RAPH1: variants seen among roughly 807,000 people sequenced by gnomAD.
RAPH1 encodes the protein Ras association (RalGDS/AF-6) and pleckstrin homology domains 1, also known as ras-associated and pleckstrin homology domains-containing protein 1.
In RAPH1, 18 loss-of-function variants were observed where a neutral mutation model predicts 88.1. The observed-to-expected ratio is 0.20, with a 90% CI of 0.14 to 0.30. The LOEUF (loss-of-function observed/expected upper bound fraction) is 0.30, where lower values mean the gene tolerates loss of function less well. Among genes scored for constraint, RAPH1 ranks in the 10% least tolerant of loss-of-function variants. The probability of loss-of-function intolerance (pLI) is 1.00; values close to 1 mark genes in which losing one functional copy is unlikely to be tolerated. For synonymous variants in RAPH1, 587 were observed against 559.0 expected, an observed-to-expected ratio of 1.05 and a Z score of -0.71; for missense variants, 1,448 against 1,543.2, an observed-to-expected ratio of 0.94 and a Z score of 1.03.
chr2:203,463,201 C>CAAA (rs71007520), intron 4 of RAPH1, among the ~76,000 whole-genome samples: 1 of 114,522 alleles, frequency 8.7e-6, no homozygotes, highest in Non-Finnish European at 1.9e-5. Flanking sequence ...GACTCCATCT[C>CAAA]AAAAAAAAAA....
intron 4 of RAPH1, among the ~76,000 whole-genome samples, chr2:203,473,322 A>G (rs907195624): frequency 3.3e-5 from 5 of 152,114 alleles, no homozygotes; most frequent in African/African-American, 1.2e-4. Context: ...GGTACCAGTC[A>G]TAACACTGAT....
chr2:203,533,779 G>A (rs1690492973), intron 1 of RAPH1, among the ~76,000 whole-genome samples: 1 of 152,040 alleles, frequency 6.6e-6, no homozygotes, highest in Non-Finnish European at 1.5e-5. Context: ...AGGAATTTAA[G>A]GTGCTGTTAA....
At position 203,445,021 on chromosome 2, in the gene RAPH1, T is replaced by C. The variant is rs752086153; in HGVS notation, c.1634-11A>G. 1.9e-6 allele frequency: 3 copies of C among 1,609,042 alleles called. No homozygotes were observed. Among genetic ancestry groups the C allele is most frequent in the African/African-American group, 2.7e-5 (2 of 74,634 alleles). The stretch of plus-strand genomic sequence containing the variant: ...GGTTTGACTGAGACTCTGTTTAAAA[T>C]AGTTTTTTAAACATAGGTTTAAAAG... On this transcript the variant is annotated splice_polypyrimidine_tract_variant and intron_variant, in intron 12 of 13. Transcript: ENST00000319170.
At position 203,441,048 on chromosome 2, in the gene RAPH1, G is replaced by C. The variant is rs1389185623; in HGVS notation, c.2142C>G (p.Pro714=). ...AGCCTGGGGTTGGGGGTGGAGGAGG[G>C]GGAGGGGGTGGTGGAACAACTCCAT... The part of the protein sequence containing the change: ...PPNGVVPPPP[P]PPPPPTPGSA... The change falls in exon 14 of 14, where the codon CCC becomes CCG. Residue 714 remains proline, a synonymous_variant. Transcript: ENST00000319170. The C allele has an allele frequency of 7.5e-7, 1 of 1,325,198 alleles. No individual in the cohort carries two copies. The highest frequency in any genetic ancestry group is 1.0e-6 in the Non-Finnish European group (1 of 976,650). The allele number at this position is 1,325,198 out of a possible 1,614,324, so 82.1% of individuals were successfully genotyped here. A position where few individuals can be genotyped will look rare whatever the true frequency, so the allele number is the denominator to read the frequency against.
intron 4 of RAPH1, among the ~76,000 whole-genome samples, chr2:203,467,552 T>C (rs2098529561): frequency 6.6e-6 from 1 of 151,890 alleles, no homozygotes; most frequent in Non-Finnish European, 1.5e-5. Context: ...TGAGCCAAGA[T>C]GGCACCACTG....
rs1403635107 is a variant in RAPH1 at position 203,473,002 on chromosome 2, C to G, written c.733-11077G>C. ...TTATGGTTGGTGGTCCCAAAATATGCCACATTCAAAAAATGAGACCACAAA... is the reference window on the plus strand; with the variant it reads ...TTATGGTTGGTGGTCCCAAAATATGGCACATTCAAAAAATGAGACCACAAA... On this transcript the variant is annotated intron_variant, in intron 4 of 13. Transcript: ENST00000319170. 2.6e-5 allele frequency among the ~76,000 whole-genome samples: 4 copies of G among 152,084 alleles called. No homozygotes were observed. The East Asian group carries it at 7.7e-4, about 29-fold the overall frequency.
chr2:203,473,772 G>GA (rs1269706304), intron 4 of RAPH1, among the ~76,000 whole-genome samples: 2 of 152,014 alleles, frequency 1.3e-5, no homozygotes, highest in Admixed American at 1.3e-4. Context: ...ATATAAACAG[G>GA]GCCTTCTTAT....
intron 4 of RAPH1, among the ~76,000 whole-genome samples, chr2:203,484,281 T>C (rs957708259): frequency 6.6e-6 from 1 of 152,192 alleles, no homozygotes; most frequent in African/African-American, 2.4e-5. Flanking sequence ...TACAACGTAC[T>C]ATAACTGCCA....
chr2:203,506,923 T>G (rs1689116261), intron 1 of RAPH1, among the ~76,000 whole-genome samples: 1 of 134,916 alleles, frequency 7.4e-6, no homozygotes. Context: ...GAGATGAACT[T>G]TCACTCTGGG....
chr2:203,495,191 T>G (rs973479469), intron 2 of RAPH1, 43 bp downstream of exon 2: 3 of 1,610,950 alleles, frequency 1.9e-6, no homozygotes, highest in South Asian at 1.1e-5. Flanking sequence ...TTTAACACAA[T>G]GGTGACTTCA....
At position 203,441,337 on chromosome 2, in the gene RAPH1, G is replaced by A. The variant is rs763442194; in HGVS notation, c.1853C>T (p.Pro618Leu). ...PLSPQPKIVT[P>L]YTASQPSPPL... ...TGGTGAAGGCTGTGAAGCAGTGTAG[G>A]GGGTGACTATCTTAGGTTGCGGGGA... Residue 618 changes from proline (P) to leucine (L), a missense_variant, in exon 14 of 14, where the codon CCC (proline) becomes CTC (leucine). Pro to Leu is a moderately conservative substitution (Grantham distance 98). Around this residue, in one of 2 missense-constraint regions of RAPH1, gnomAD observed 935 missense variants for 890.1 expected, o/e 1.05. Transcript: ENST00000319170. 33 of 1,579,612 alleles carry A rather than the reference G, an allele frequency of 2.1e-5. No individual in the cohort carries two copies. The highest frequency in any genetic ancestry group is 2.7e-5 in the Non-Finnish European group (31 of 1,164,632).
chr2:203,532,656 C>T (rs545940285), intron 1 of RAPH1, among the ~76,000 whole-genome samples: 4 of 152,170 alleles, frequency 2.6e-5, no homozygotes, highest in Admixed American at 2.6e-4. Context: ...AAACAGTGTA[C>T]GTCATACAGT....
chr2:203,451,368 A>C (rs1292890702), intron 10 of RAPH1, among the ~76,000 whole-genome samples: 1 of 152,118 alleles, frequency 6.6e-6, no homozygotes, highest in Non-Finnish European at 1.5e-5. Flanking sequence ...CAGCGCTCAA[A>C]ATTGCTTCCG....
chr2:203,454,404 A>G (rs541245749), intron 10 of RAPH1, 26 bp downstream of exon 10: 1 of 1,489,350 alleles, frequency 6.7e-7, no homozygotes, highest in East Asian at 2.3e-5. Context: ...ATCAATTAAA[A>G]TTCCTAAAAA....
chr2:203,490,092 G>T lies in RAPH1; in HGVS notation c.227-3C>A. 1 of 1,597,740 alleles carries T rather than the reference G, an allele frequency of 6.3e-7. No homozygotes were observed. Among genetic ancestry groups the T allele is most frequent in the Non-Finnish European group, 8.5e-7 (1 of 1,171,816 alleles). ...AGTCTCTCCCTGATTCAGAGCTTCT[G>T]CAATGAACAACACATAATGTTTCCA... is the stretch of plus-strand genomic sequence containing the variant. On this transcript the variant is annotated splice_region_variant and splice_polypyrimidine_tract_variant and intron_variant, in intron 3 of 13. Transcript: ENST00000319170.
At chr2:203,459,741 TCAG>T (rs974035155) in intron 7 of RAPH1, among the ~76,000 whole-genome samples, 163 bp downstream of exon 7, 3 of 152,038 alleles carry the variant, frequency 2.0e-5, no homozygotes, top group Non-Finnish European at 4.4e-5. Flanking sequence ...ACTTTCCACC[TCAG>T]CAGCAGCAGC....
At chr2:203,455,675 C>A in intron 8 of RAPH1, 95 bp from the exon 9 acceptor site, 1 of 1,212,678 alleles carries the variant, frequency 8.2e-7, no homozygotes, top group Non-Finnish European at 1.2e-6. Flanking sequence ...AGTTATTAAA[C>A]CAAAATGGTT....
At chr2:203,504,670 T>TA (rs566237475) in intron 1 of RAPH1, among the ~76,000 whole-genome samples, 21,878 of 140,984 alleles carry the variant, frequency 0.16, 1,869 homozygotes, top group Middle Eastern at 0.33. Context: ...GAATTTCTCC[T>TA]AAAAAAAAAA....
At chr2:203,500,429 A>G (rs1233663924) in intron 1 of RAPH1, among the ~76,000 whole-genome samples, 1 of 152,206 alleles carries the variant, frequency 6.6e-6, no homozygotes, top group Non-Finnish European at 1.5e-5. Flanking sequence ...AAATGAGGCT[A>G]GAGAGGAGGA....
Sources: allele counts gnomAD v4.1 joint callset (sites outside exome capture counted in the v4.1 genomes callset), GRCh38; gene constraint gnomAD v4.1.1; regional missense constraint gnomAD v4.1.1; transcripts MANE v1.5; gene names NCBI Gene and HGNC (gene_info 2026-07-23, HGNC 2026-07-21).